Variants in PHACTR3 observed in about 807,000 individuals in gnomAD.
The protein encoded by PHACTR3 is phosphatase and actin regulator 3, also known as protein phosphatase 1, regulatory subunit 123.
Under a neutral mutation model 66.8 loss-of-function variants are expected in PHACTR3, and 16 were observed. That is an observed-to-expected ratio of 0.24 (90% CI 0.16 to 0.36). PHACTR3 has a LOEUF of 0.36. Among genes scored for constraint, PHACTR3 ranks in the 10% least tolerant of loss-of-function variants. PHACTR3 has a pLI of 1.00. For missense variants in PHACTR3, 647 were observed against 719.9 expected, an observed-to-expected ratio of 0.90 and a Z score of 1.16; for synonymous variants, 323 against 292.1, an observed-to-expected ratio of 1.11 and a Z score of -1.08.
intron 1 of PHACTR3, among the ~76,000 whole-genome samples, chr20:59,739,647 T>G (rs1435314948): frequency 1.3e-5 from 2 of 152,120 alleles, no homozygotes; most frequent in African/African-American, 4.8e-5. Flanking sequence ...CCTGATCCAA[T>G]CACCTCCACC....
At chr20:59,832,170 G>A (rs2042403770) in intron 8 of PHACTR3, among the ~76,000 whole-genome samples, 1 of 152,168 alleles carries the variant, frequency 6.6e-6, no homozygotes, top group Non-Finnish European at 1.5e-5. Context: ...ACTGGCTGTG[G>A]GTTCTGATTC....
chr20:59,755,992 G>A (rs755015770), intron 4 of PHACTR3, among the ~76,000 whole-genome samples: 5 of 152,184 alleles, frequency 3.3e-5, no homozygotes, highest in Admixed American at 1.3e-4. Flanking sequence ...GTTGTTTGGA[G>A]GGTGGGAGGA....
chr20:59,690,433 T>G (rs1336483815), intron 1 of PHACTR3, among the ~76,000 whole-genome samples: 3 of 152,218 alleles, frequency 2.0e-5, no homozygotes, highest in African/African-American at 7.2e-5. Flanking sequence ...AGTTGTCTGG[T>G]TTGCTCTCTC....
At chr20:59,723,797 G>A (rs915165253) in intron 1 of PHACTR3, among the ~76,000 whole-genome samples, 7 of 151,972 alleles carry the variant, frequency 4.6e-5, no homozygotes, top group Non-Finnish European at 8.8e-5. Flanking sequence ...CTGGGGTGTG[G>A]TCAGGAGTAG....
chr20:59,653,569 A>T (rs933577051), intron 1 of PHACTR3, among the ~76,000 whole-genome samples: 7 of 152,176 alleles, frequency 4.6e-5, no homozygotes, highest in African/African-American at 1.7e-4. Context: ...GGATGCTAGC[A>T]TATGTAAATA....
chr20:59,829,374 T>G lies in PHACTR3; in HGVS notation c.1329-7131T>G, dbSNP rs2042281725. Among the ~76,000 whole-genome samples, 1 of 152,158 alleles carries G rather than the reference T, an allele frequency of 6.6e-6. No individual in the cohort carries two copies. The highest frequency in any genetic ancestry group is 6.5e-5 in the Admixed American group (1 of 15,286). ...CCAGGTCTTTCCCTGGGCGGTTTCT[T>G]TCATCATCCAGGCCTCATCTTATGG... On this transcript the variant is annotated intron_variant, in intron 8 of 12. Coordinates refer to ENST00000371015, the MANE Select transcript of PHACTR3 (RefSeq NM_080672.5). The surrounding 1 kb of genome is among the most constrained non-coding windows in gnomAD (Gnocchi z 4.2).
intron 7 of PHACTR3, among the ~76,000 whole-genome samples, chr20:59,797,048 C>G (rs1477488367): frequency 6.6e-6 from 1 of 152,124 alleles, no homozygotes; most frequent in Non-Finnish European, 1.5e-5. Context: ...ATCCTTTGCT[C>G]TCTCTCTTTT....
chr20:59,634,810 A>G (rs2034790863), intron 1 of PHACTR3, among the ~76,000 whole-genome samples: 1 of 152,228 alleles, frequency 6.6e-6, no homozygotes, highest in African/African-American at 2.4e-5. Context: ...CTGGCCGCAG[A>G]TGGTTGCTGA....
At chr20:59,637,118 C>T (rs1420018878) in intron 1 of PHACTR3, among the ~76,000 whole-genome samples, 1 of 152,228 alleles carries the variant, frequency 6.6e-6, no homozygotes, top group Non-Finnish European at 1.5e-5. Context: ...CACACCTCTG[C>T]AGGTTTGTGG....
At chr20:59,761,838 T>C (rs2040001995) in intron 4 of PHACTR3, among the ~76,000 whole-genome samples, 1 of 152,208 alleles carries the variant, frequency 6.6e-6, no homozygotes, top group Admixed American at 6.5e-5. Context: ...TTGTACAGTG[T>C]AGAAGCTTCT....
At chr20:59,670,616 G>A (rs1159827336) in intron 1 of PHACTR3, among the ~76,000 whole-genome samples, 6 of 128,172 alleles carry the variant, frequency 4.7e-5, no homozygotes, top group Non-Finnish European at 1.0e-4. Context: ...GGGGGGGGGG[G>A]GCAGGCACTT....
chr20:59,749,261 G>A (rs2039489383), intron 3 of PHACTR3, among the ~76,000 whole-genome samples: 1 of 152,130 alleles, frequency 6.6e-6, no homozygotes, highest in Non-Finnish European at 1.5e-5. Context: ...AAGGAGAAAG[G>A]AAGATGAAAA....
At chr20:59,590,124 TGTGA>T (rs2033145117) in intron 1 of PHACTR3, among the ~76,000 whole-genome samples, 2 of 152,320 alleles carry the variant, frequency 1.3e-5, no homozygotes, top group South Asian at 4.1e-4. Flanking sequence ...TGTGCGTGCT[TGTGA>T]GTGTGTGCTC....
chr20:59,811,710 T>A (rs1270762797), intron 8 of PHACTR3, among the ~76,000 whole-genome samples: 1 of 142,508 alleles, frequency 7.0e-6, no homozygotes. Flanking sequence ...CAGTGGGGGG[T>A]TGGACATCCT....
intron 1 of PHACTR3, among the ~76,000 whole-genome samples, chr20:59,578,406 C>G (rs534439371): frequency 3.9e-4 from 59 of 152,286 alleles, no homozygotes; most frequent in Non-Finnish European, 6.3e-4. Flanking sequence ...GGTGAGGATA[C>G]CGGGGGCACT....
At chr20:59,621,182 T>C (rs983030195) in intron 1 of PHACTR3, among the ~76,000 whole-genome samples, 2 of 152,230 alleles carry the variant, frequency 1.3e-5, no homozygotes, top group Non-Finnish European at 2.9e-5. Flanking sequence ...GGGAAGGTGC[T>C]CTCAGGGGCT....
intron 8 of PHACTR3, among the ~76,000 whole-genome samples, chr20:59,832,764 C>T (rs1258481833): frequency 6.6e-6 from 1 of 152,172 alleles, no homozygotes; most frequent in Non-Finnish European, 1.5e-5. Flanking sequence ...GCGATCTAAA[C>T]GACCCCACCT....
chr20:59,648,603 C>T (rs1438478651), intron 1 of PHACTR3, among the ~76,000 whole-genome samples: 1 of 152,176 alleles, frequency 6.6e-6, no homozygotes, highest in Non-Finnish European at 1.5e-5. Context: ...AGGGGTTGAC[C>T]TTCTGGGGCT....
At chr20:59,780,038 T>A (rs1297850921) in intron 7 of PHACTR3, among the ~76,000 whole-genome samples, 1 of 152,200 alleles carries the variant, frequency 6.6e-6, no homozygotes, top group African/African-American at 2.4e-5. Context: ...TTTCACAGTG[T>A]CCCAGCTCTG....
Sources: gnomAD v4.1 joint callset for allele counts (sites outside exome capture counted in the v4.1 genomes callset) on GRCh38, gnomAD v4.1.1 for gene constraint, Gnocchi (gnomAD v3.1) non-coding constraint, MANE v1.5 for transcripts, NCBI Gene and HGNC (gene_info 2026-07-23, HGNC 2026-07-21) for gene names.